The following USP34 variants were observed in gnomAD, a reference collection of about 807,000 sequenced individuals.
The protein encoded by USP34 is ubiquitin carboxyl-terminal hydrolase 34.
Under a neutral mutation model 460.3 loss-of-function variants are expected in USP34, and 70 were observed. That is an observed-to-expected ratio of 0.15 (90% CI 0.13 to 0.19). The LOEUF (loss-of-function observed/expected upper bound fraction) is 0.19, where lower values mean the gene tolerates loss of function less well. Ranked by LOEUF, USP34 falls within the 10% of genes least tolerant of loss-of-function variation. The pLI is 1.00. For missense variants in USP34, 3,985 were observed against 4,236.2 expected (o/e 0.94, Z 1.65); for synonymous variants, 1,647 against 1,405.3 (o/e 1.17, Z -3.85).
chr2:61,391,078 A>G (rs1287129484), intron 5 of USP34, among the ~76,000 whole-genome samples: 1 of 151,614 alleles, frequency 6.6e-6, no homozygotes, highest in Admixed American at 6.6e-5. Flanking sequence ...CTGGTGACAG[A>G]GCGAGACTCC....
chr2:61,337,548 A>C (rs1691461465), intron 18 of USP34, among the ~76,000 whole-genome samples: 2 of 152,106 alleles, frequency 1.3e-5, no homozygotes, highest in Admixed American at 1.3e-4. Context: ...GAACCTCCCC[A>C]GGCACAAGCA....
chr2:61,440,476 C>A (rs1694932069), intron 1 of USP34, among the ~76,000 whole-genome samples: 1 of 151,974 alleles, frequency 6.6e-6, no homozygotes, highest in Non-Finnish European at 1.5e-5. Context: ...TCTCTTCATG[C>A]CTTTTCCCCT....
intron 51 of USP34, among the ~76,000 whole-genome samples, chr2:61,242,075 T>C (rs537105063): frequency 6.6e-5 from 10 of 152,278 alleles, no homozygotes; most frequent in Admixed American, 5.9e-4. Flanking sequence ...GAGAAAATTT[T>C]ACTATAACAA....
intron 78 of USP34, chr2:61,189,366 G>A (rs913292226): frequency 5.4e-5 from 11 of 205,194 alleles, no homozygotes; most frequent in East Asian, 1.2e-4. Context: ...TCCACCACCC[G>A]GGTTCAAGCG....
intron 16 of USP34, among the ~76,000 whole-genome samples, chr2:61,343,315 ACTTT>A (rs1199433363): frequency 1.2e-4 from 18 of 152,020 alleles, no homozygotes; most frequent in Admixed American, 2.0e-4. Flanking sequence ...ATGTCCTATT[ACTTT>A]AAGAGTGATT....
chr2:61,316,917 T>A (rs191529502), intron 23 of USP34, among the ~76,000 whole-genome samples: 34 of 152,240 alleles, frequency 2.2e-4, no homozygotes, highest in Admixed American at 5.2e-4. Context: ...TTTTTAAAAA[T>A]AATTCTTTTT....
chr2:61,297,588 T>C (rs1473158554), intron 29 of USP34, among the ~76,000 whole-genome samples: 1 of 152,218 alleles, frequency 6.6e-6, no homozygotes. Context: ...TTGACAGTTT[T>C]GGTATTTTCC....
Position 61,204,297 on chromosome 2 carries a change from G to T in USP34, c.9343C>A (p.Leu3115Ile). The stretch of plus-strand genomic sequence containing the variant: ...ATTGTGGGCAAGAGGCACATATTGA[G>T]TTCAGGGCGCGGAGGCCGAATATTG... ...KSNIRPPRPE[L>I]NMCLLPTMVE... Residue 3115 changes from leucine (L) to isoleucine (I), a missense_variant, in exon 74 of 80, where the codon CTC becomes ATC. Physicochemically the swap from Leu to Ile is conservative, Grantham distance 5 (BLOSUM62 2). Transcript: ENST00000398571. 1 of 1,614,200 alleles carries T rather than the reference G, an allele frequency of 6.2e-7. No homozygotes were observed. Among genetic ancestry groups the T allele is most frequent in the Non-Finnish European group, 8.5e-7 (1 of 1,180,036 alleles).
At chr2:61,460,896 T>C (rs1695578565) in intron 1 of USP34, among the ~76,000 whole-genome samples, 1 of 148,884 alleles carries the variant, frequency 6.7e-6, no homozygotes, top group South Asian at 2.1e-4. Flanking sequence ...GGCAGGACAA[T>C]CACTTGAACC....
chr2:61,431,508 T>C (rs924174291), intron 1 of USP34, among the ~76,000 whole-genome samples: 9 of 152,174 alleles, frequency 5.9e-5, no homozygotes, highest in Non-Finnish European at 1.2e-4. Context: ...ATTACAGACA[T>C]GAGTCACTGA....
At chr2:61,441,802 C>CAAAAAAAAAAAAA (rs70963429) in intron 1 of USP34, among the ~76,000 whole-genome samples, 32 of 97,324 alleles carry the variant, frequency 3.3e-4, no homozygotes, top group African/African-American at 1.1e-3. Flanking sequence ...GACTGCATTA[C>CAAAAAAAAAAAAA]AAAAAAAAAA....
rs570407779 is a variant in USP34 at position 61,334,520 on chromosome 2, A to T, written c.2745-549T>A. Among the ~76,000 whole-genome samples the T allele has an allele frequency of 3.3e-5, 5 of 152,300 alleles. 1 individual carries two copies. The South Asian group carries it at 1.0e-3, about 32-fold the overall frequency. On this transcript the variant is annotated intron_variant, in intron 18 of 79. Coordinates refer to ENST00000398571, the MANE Select transcript of USP34 (RefSeq NM_014709.4). ...AAAGGAGGTTGGCTGCATGAGCCTT[A>T]AAAGAGGCAAAACAAATTCTAATGA...
rs891745395 is a variant in USP34, at chr2:61,317,631, A to T, written c.3282+23T>A. On this transcript the variant is annotated intron_variant, in intron 23 of 79. Transcript: ENST00000398571. ...CTAATTTGAGGAATAAAGTTGCCTA[A>T]TAAAGTAAGTCTAAATCCATACCTC... 22 of 1,572,962 alleles carry T rather than the reference A, an allele frequency of 1.4e-5. No homozygotes were observed. In the Admixed American group the frequency reaches 2.4e-4, roughly 17 times the overall value.
chr2:61,226,895 T>G, intron 62 of USP34, 172 bp downstream of exon 62: 1 of 779,338 alleles, frequency 1.3e-6, no homozygotes, highest in Non-Finnish European at 1.8e-6. Flanking sequence ...GCCACAAGAG[T>G]TGATGAATAG....
At chr2:61,292,663 A>G (rs1323994407) in intron 33 of USP34, among the ~76,000 whole-genome samples, 1 of 152,192 alleles carries the variant, frequency 6.6e-6, no homozygotes, top group Non-Finnish European at 1.5e-5. Context: ...AAAAAAGCAA[A>G]ACAAAACAAA....
intron 75 of USP34, among the ~76,000 whole-genome samples, chr2:61,196,094 TTTTTG>T (rs1686798553): frequency 7.2e-6 from 1 of 138,852 alleles, no homozygotes; most frequent in Admixed American, 7.1e-5. Context: ...TTTTTTTTTT[TTTTTG>T]AGACGGAGTC....
rs557473499 is a variant in USP34, at chr2:61,231,347, C to A, written c.7113+1105G>T. On this transcript the variant is annotated intron_variant, in intron 58 of 79. Transcript: ENST00000398571. ...AAATTAGGTAGTAGTGATGGCTGCA[C>A]AACTTTGTGACTATACTAAAAACCA... Among the ~76,000 whole-genome samples the A allele has an allele frequency of 6.6e-5, 10 of 151,936 alleles. No individual in the cohort carries two copies. The East Asian group carries it at 1.9e-3, about 29-fold the overall frequency.
chr2:61,250,194 G>C (rs1450574435), intron 48 of USP34: 1 of 161,968 alleles, frequency 6.2e-6, no homozygotes, highest in Non-Finnish European at 1.4e-5. Context: ...CTCCAGCCTG[G>C]ACAACAGAGC....
At chr2:61,418,196 C>T (rs1301365564) in intron 2 of USP34, among the ~76,000 whole-genome samples, 1 of 151,914 alleles carries the variant, frequency 6.6e-6, no homozygotes, top group East Asian at 1.9e-4. Flanking sequence ...TCTGATGCCT[C>T]AGCCTCCCGA....
Sources: gnomAD v4.1 joint callset for allele counts (sites outside exome capture counted in the v4.1 genomes callset) on GRCh38, gnomAD v4.1.1 for gene constraint, MANE v1.5 for transcripts, NCBI Gene and HGNC (gene_info 2026-07-23, HGNC 2026-07-21) for gene names.